CALN1: variants seen among roughly 807,000 people sequenced by gnomAD.
CALN1 encodes calneuron 1.
Under a neutral mutation model 30.6 loss-of-function variants are expected in CALN1, and 17 were observed. The observed-to-expected ratio is 0.56, with a 90% CI of 0.38 to 0.83. The LOEUF is 0.83. Among genes scored for constraint, CALN1 ranks in the 40% least tolerant of loss-of-function variants. The pLI, the probability that CALN1 is intolerant of heterozygous loss-of-function variation, is 0.00. For synonymous variants in CALN1, 156 were observed against 131.4 expected (o/e 1.19, Z -1.28); for missense variants, 291 against 354.9 (o/e 0.82, Z 1.45).
chr7:71,905,233 C>T (rs1794066668), intron 5 of CALN1, among the ~76,000 whole-genome samples: 1 of 152,166 alleles, frequency 6.6e-6, no homozygotes, highest in South Asian at 2.1e-4. Context: ...GCCATCGTGC[C>T]TGGCCTATTT....
chr7:72,388,583 T>G (rs750658627), intron 2 of CALN1, among the ~76,000 whole-genome samples: 5 of 152,240 alleles, frequency 3.3e-5, no homozygotes, highest in African/African-American at 9.6e-5. Flanking sequence ...CTCTGTGCTA[T>G]CTTTGCAATG....
At chr7:71,931,705 G>A (rs1795562791) in intron 5 of CALN1, among the ~76,000 whole-genome samples, 1 of 152,212 alleles carries the variant, frequency 6.6e-6, no homozygotes, top group African/African-American at 2.4e-5. Context: ...GGGATACAGT[G>A]CAATCCCAGT....
intron 4 of CALN1, among the ~76,000 whole-genome samples, chr7:72,097,477 G>C (rs1806315014): frequency 6.6e-6 from 1 of 152,090 alleles, no homozygotes; most frequent in Admixed American, 6.6e-5. Flanking sequence ...ACAGCCCACA[G>C]TGACTTCAAG....
At chr7:72,370,377 A>T (rs1804155749) in intron 2 of CALN1, among the ~76,000 whole-genome samples, 1 of 152,190 alleles carries the variant, frequency 6.6e-6, no homozygotes, top group African/African-American at 2.4e-5. Context: ...CATATGCTTT[A>T]GATATAAGTC....
At chr7:71,856,725 T>C (rs1790968806) in intron 5 of CALN1, among the ~76,000 whole-genome samples, 1 of 151,946 alleles carries the variant, frequency 6.6e-6, no homozygotes, top group East Asian at 1.9e-4. Context: ...GAAGCTGAGG[T>C]GGGCAGATCA....
intron 5 of CALN1, among the ~76,000 whole-genome samples, chr7:71,909,534 T>C (rs767301255): frequency 1.2e-4 from 19 of 152,208 alleles, no homozygotes; most frequent in Non-Finnish European, 2.1e-4. Flanking sequence ...TATTAGATTG[T>C]TATTATCCAA....
the CALN1 span, among the ~76,000 whole-genome samples, chr7:72,452,897 C>T: frequency 6.6e-6 from 1 of 152,280 alleles, no homozygotes; most frequent in East Asian, 1.9e-4. Flanking sequence ...GGGGGCCAGG[C>T]TCTCCAGACC....
At chr7:72,306,299 C>A (rs1263467222) in intron 2 of CALN1, among the ~76,000 whole-genome samples, 1 of 152,158 alleles carries the variant, frequency 6.6e-6, no homozygotes, top group African/African-American at 2.4e-5. Flanking sequence ...CAGGCCCTCC[C>A]AATCCTGAAG....
chr7:72,370,308 CT>C (rs1299790519), intron 2 of CALN1, among the ~76,000 whole-genome samples: 1 of 152,044 alleles, frequency 6.6e-6, no homozygotes, highest in African/African-American at 2.4e-5. Flanking sequence ...GTGCTCATGT[CT>C]TTTACCCATC....
intron 2 of CALN1, among the ~76,000 whole-genome samples, chr7:72,359,990 A>AAAAAAAAAAAAAAAAAC (rs1365927582): frequency 1.8e-4 from 27 of 148,256 alleles, no homozygotes; most frequent in African/African-American, 5.5e-4. Context: ...AAAAAAAAAA[A>AAAAAAAAAAAAAAAAAC]ACCAAAGTTG....
intron 2 of CALN1, among the ~76,000 whole-genome samples, chr7:72,288,573 T>A (rs937966970): frequency 6.6e-6 from 1 of 152,248 alleles, no homozygotes; most frequent in Non-Finnish European, 1.5e-5. Flanking sequence ...TTGTGACAAT[T>A]TACAGATCCA....
rs115653591 is a variant in CALN1, at chr7:71,935,096, G to A, written c.501+88561C>T. Among the ~76,000 whole-genome samples, 548 of 152,260 alleles carry A rather than the reference G, an allele frequency of 3.6e-3. 2 individuals carry two copies. The highest frequency in any genetic ancestry group is 0.013 in the African/African-American group (520 of 41,536). On this transcript the variant is annotated intron_variant, in intron 5 of 6. Transcript: ENST00000395275. ...AGGGTCACCTTTCCATATGAGATTT[G>A]GAGGGGACACATATCCAAACTGTAG...
chr7:71,991,251 G>C (rs1798935891), intron 5 of CALN1, among the ~76,000 whole-genome samples: 1 of 152,176 alleles, frequency 6.6e-6, no homozygotes, highest in South Asian at 2.1e-4. Flanking sequence ...CTGCAGTCAG[G>C]AGTTTGAGAC....
intron 3 of CALN1, among the ~76,000 whole-genome samples, chr7:72,217,832 ATTTTTTTTT>A (rs35736777): frequency 1.6e-4 from 11 of 67,296 alleles, no homozygotes; most frequent in Admixed American, 2.1e-4. Context: ...AATTAAATAA[ATTTTTTTTT>A]TTTTTTTTTT....
In CALN1 at chr7:72,244,735, A is replaced by AT. The variant is rs761109931; in HGVS notation, c.244+33950dup. The stretch of plus-strand genomic sequence containing the variant: ...CTTCCCAGACAGAGAAAATATAGTT[A>AT]TAAGTAGCTTGCAGGCAGAAAAATG... On this transcript the variant is annotated intron_variant, in intron 3 of 6. Transcript: ENST00000395275. Among the ~76,000 whole-genome samples the AT allele has an allele frequency of 1.6e-4, 25 of 152,092 alleles. No homozygotes were observed. In the East Asian group the frequency reaches 1.9e-3, roughly 12 times the overall value.
chr7:72,185,189 A>G (rs1480855587), intron 3 of CALN1, among the ~76,000 whole-genome samples: 1 of 151,988 alleles, frequency 6.6e-6, no homozygotes, highest in Non-Finnish European at 1.5e-5. Context: ...CAATCAGCTC[A>G]CCCAAAGAGT....
chr7:71,840,110 A>C (rs1789847075), intron 5 of CALN1, among the ~76,000 whole-genome samples: 1 of 152,170 alleles, frequency 6.6e-6, no homozygotes, highest in Non-Finnish European at 1.5e-5. Context: ...CTATCCTTTA[A>C]GCCATTTAGA....
intron 3 of CALN1, among the ~76,000 whole-genome samples, chr7:72,223,537 A>G (rs1362894771): frequency 6.6e-6 from 1 of 152,184 alleles, no homozygotes; most frequent in East Asian, 1.9e-4. Context: ...AAAGAGCAGG[A>G]CATTCCCTGC....
intron 5 of CALN1, among the ~76,000 whole-genome samples, chr7:71,964,185 T>G (rs1384624703): frequency 6.6e-6 from 1 of 152,214 alleles, no homozygotes; most frequent in African/African-American, 2.4e-5. Context: ...TTATCCCCCG[T>G]CACAGGATGT....
Sources: allele counts gnomAD v4.1 joint callset (sites outside exome capture counted in the v4.1 genomes callset), GRCh38; gene constraint gnomAD v4.1.1; transcripts MANE v1.5; gene names NCBI Gene and HGNC (gene_info 2026-07-23, HGNC 2026-07-21).